Variants in ZNF333 observed in about 807,000 individuals in gnomAD.
ZNF333 encodes the protein zinc finger protein 333.
A neutral mutation model predicts 76.1 loss-of-function variants in ZNF333; 61 were observed. The ratio of observed to expected loss-of-function variants is 0.80; its 90% CI spans 0.65 to 0.99. ZNF333 has a LOEUF of 0.99. ZNF333 is among the 50% of genes least tolerant of loss of function. The pLI is 0.00. For synonymous variants in ZNF333, 284 were observed against 305.0 expected (o/e 0.93, Z 0.72); for missense variants, 717 against 822.4 (o/e 0.87, Z 1.57).
Position 14,699,168 on chromosome 19 carries a change from A to G in ZNF333, c.224-31A>G, listed in dbSNP as rs760421474. Reference sequence around the variant, plus strand: ...ATTAATGTCACTATTTCTTTCTGAAAGGAGTTCATTTTTTCTCCCATTCAT... The same window carrying G: ...ATTAATGTCACTATTTCTTTCTGAAGGGAGTTCATTTTTTCTCCCATTCAT... On this transcript the variant is annotated intron_variant, in intron 4 of 11. Coordinates refer to ENST00000292530, the MANE Select transcript of ZNF333 (RefSeq NM_032433.4). 3 of 1,548,448 alleles carry G rather than the reference A, an allele frequency of 1.9e-6. No individual in the cohort carries two copies. In the East Asian group the frequency reaches 6.7e-5, roughly 35 times the overall value.
chr19:14,707,675 C>T (rs1252249624), intron 7 of ZNF333, among the ~76,000 whole-genome samples: 3 of 151,018 alleles, frequency 2.0e-5, no homozygotes, highest in Non-Finnish European at 4.4e-5. Flanking sequence ...CCTCAGCCTC[C>T]CGAGTAGCTG....
chr19:14,695,693 C>A (rs776992367), intron 4 of ZNF333, 32 bp downstream of exon 4: 39 of 1,597,572 alleles, frequency 2.4e-5, no homozygotes, highest in African/African-American at 2.7e-5. Flanking sequence ...GATCCCCCGA[C>A]CCCCCTGGTT....
chr19:14,691,800 C>T (rs535194742), intron 1 of ZNF333, among the ~76,000 whole-genome samples: 25 of 151,342 alleles, frequency 1.7e-4, no homozygotes, highest in African/African-American at 5.6e-4. Context: ...CCTCAGCTTC[C>T]CAGGCAGCTG....
At chr19:14,731,505 G>A (rs1417268474) in exon 12 of ZNF333, 20 of 348,522 alleles carry the variant, frequency 5.7e-5, no homozygotes, top group Non-Finnish European at 7.3e-5. Flanking sequence ...AAAACAGCCA[G>A]GGAAACTGCT....
downstream of ZNF333, among the ~76,000 whole-genome samples, chr19:14,723,361 A>G (rs2042613376): frequency 6.6e-6 from 1 of 151,916 alleles, no homozygotes; most frequent in African/African-American, 2.4e-5. Flanking sequence ...GTGGTGTGAG[A>G]CCTCCAACTC....
At chr19:14,709,884 C>T (rs1198618060) in intron 7 of ZNF333, among the ~76,000 whole-genome samples, 1 of 152,222 alleles carries the variant, frequency 6.6e-6, no homozygotes, top group Non-Finnish European at 1.5e-5. Flanking sequence ...CAGCTCAACA[C>T]CAGACATTGC....
intron 6 of ZNF333, 50 bp from the exon 7 acceptor site, chr19:14,706,636 G>GC: frequency 6.9e-7 from 1 of 1,455,942 alleles, no homozygotes. Context: ...GGTGTGAGTG[G>GC]CCCCCTCAGC....
intron 6 of ZNF333, chr19:14,706,061 C>T (rs772039989): frequency 9.2e-5 from 42 of 456,854 alleles, no homozygotes; most frequent in South Asian, 4.3e-4. Context: ...GTCCTGCTAG[C>T]GTTATTTCCA....
At chr19:14,727,396 C>T (rs1480204937) in intron 11 of ZNF333, among the ~76,000 whole-genome samples, 1 of 152,130 alleles carries the variant, frequency 6.6e-6, no homozygotes, top group Non-Finnish European at 1.5e-5. Context: ...ATCTGCTTGT[C>T]TTCTGGTGAG....
chr19:14,720,888 T>C lies in ZNF333; in HGVS notation c.*1563T>C. The C allele has an allele frequency of 1.1e-6, 1 of 889,764 alleles. No homozygotes were observed. The allele number at this position is 889,764 out of a possible 1,614,324, so 55.1% of individuals were successfully genotyped here. ...GTCATTCTGTCAGTTTTTAAATTTA[T>C]GTATATACATACATATATATGTTTT... is the stretch of plus-strand genomic sequence containing the variant. On this transcript the variant is annotated 3_prime_UTR_variant, in exon 12 of 12. Coordinates refer to ENST00000292530, the MANE Select transcript of ZNF333 (RefSeq NM_032433.4).
downstream of ZNF333, among the ~76,000 whole-genome samples, chr19:14,723,947 A>T (rs2042617977): frequency 2.0e-5 from 3 of 152,192 alleles, no homozygotes; most frequent in Admixed American, 2.0e-4. Flanking sequence ...CAGGATGCTG[A>T]CATTCAAGGT....
chr19:14,721,051 T>A lies in ZNF333; in HGVS notation c.*1726T>A. The A allele has an allele frequency of 1.2e-6, 1 of 812,102 alleles. No individual in the cohort carries two copies. Among genetic ancestry groups the A allele is most frequent in the Non-Finnish European group, 1.5e-6 (1 of 672,254 alleles). The allele number at this position is 812,102 out of a possible 1,614,324, so 50.3% of individuals were successfully genotyped here. A position where few individuals can be genotyped will look rare whatever the true frequency, so the allele number is the denominator to read the frequency against. ...CATTGTAATGATAGTAAATACTTATTTAGAGTTTACTATTAATAGATAGTA... is the reference window on the plus strand; with the variant it reads ...CATTGTAATGATAGTAAATACTTATATAGAGTTTACTATTAATAGATAGTA... On this transcript the variant is annotated 3_prime_UTR_variant, in exon 12 of 12. Transcript: ENST00000292530.
intron 3 of ZNF333, 55 bp from the exon 4 acceptor site, chr19:14,695,511 G>A: frequency 6.5e-7 from 1 of 1,537,348 alleles, no homozygotes; most frequent in Non-Finnish European, 9.0e-7. Context: ...ACAAGAGTTT[G>A]TTTTCCCCTG....
At chr19:14,698,935 T>TATATATATATAGATATATATAC (rs1180611568) in intron 4 of ZNF333, among the ~76,000 whole-genome samples, 1 of 139,332 alleles carries the variant, frequency 7.2e-6, no homozygotes, top group African/African-American at 2.8e-5. Flanking sequence ...TATATATATA[T>TATATATATATAGATATATATAC]ACACACATAT....
intron 6 of ZNF333, among the ~76,000 whole-genome samples, chr19:14,705,754 C>G (rs2146980624): frequency 6.6e-6 from 1 of 152,284 alleles, no homozygotes; most frequent in South Asian, 2.1e-4. Context: ...GCAGCTGATC[C>G]TATTGTGAAC....
In ZNF333 at chr19:14,727,653, G is replaced by A. The variant is rs566811431; in HGVS notation, c.901-3522G>A. On this transcript the variant is annotated intron_variant, in intron 11 of 11. Coordinates refer to the ZNF333 transcript ENST00000540689. ...CTCCAGCACTGGGGATTACATTTCAGTGTGAGATTTGGAGGGGACAAACAT... is the reference window on the plus strand; with the variant it reads ...CTCCAGCACTGGGGATTACATTTCAATGTGAGATTTGGAGGGGACAAACAT... 2.1e-4 allele frequency among the ~76,000 whole-genome samples: 32 copies of A among 152,298 alleles called. No homozygotes were observed. The South Asian group carries it at 4.8e-3, about 23-fold the overall frequency.
chr19:14,728,541 T>C (rs539182533), intron 11 of ZNF333, among the ~76,000 whole-genome samples: 2 of 152,210 alleles, frequency 1.3e-5, no homozygotes, highest in Non-Finnish European at 2.9e-5. Flanking sequence ...ACATCACTTA[T>C]AAATGTATTC....
chr19:14,705,753 C>G (rs981991257), intron 6 of ZNF333, among the ~76,000 whole-genome samples: 1 of 152,194 alleles, frequency 6.6e-6, no homozygotes, highest in Non-Finnish European at 1.5e-5. Flanking sequence ...AGCAGCTGAT[C>G]CTATTGTGAA....
Position 14,716,432 on chromosome 19 carries a change from A to AT in ZNF333, c.727+201dup, listed in dbSNP as rs569612623. Among the ~76,000 whole-genome samples, 257 of 151,732 alleles carry AT rather than the reference A, an allele frequency of 1.7e-3. 4 individuals are homozygous for AT. The highest frequency in any genetic ancestry group is 0.017 in the Admixed American group (254 of 15,246). ...ATCATCACACCTGGCTAATTTTTGT[A>AT]TTTTTTTGTAGAGATGGAGTTTTGC... is the stretch of plus-strand genomic sequence containing the variant. On this transcript the variant is annotated intron_variant, in intron 9 of 11. Coordinates refer to ENST00000292530, the MANE Select transcript of ZNF333 (RefSeq NM_032433.4).
Sources: gnomAD v4.1 joint callset for allele counts (sites outside exome capture counted in the v4.1 genomes callset) on GRCh38, gnomAD v4.1.1 for gene constraint, MANE v1.5 for transcripts, NCBI Gene and HGNC (gene_info 2026-07-23, HGNC 2026-07-21) for gene names.